LNX2: variants seen among roughly 807,000 people sequenced by gnomAD.
The protein encoded by LNX2 is ligand of Numb protein X 2.
A neutral mutation model predicts 66.2 loss-of-function variants in LNX2; 35 were observed. The ratio of observed to expected loss-of-function variants is 0.53; its 90% confidence interval spans 0.40 to 0.70. The LOEUF (loss-of-function observed/expected upper bound fraction) is 0.70. Ranked by LOEUF, LNX2 falls within the 30% of genes least tolerant of loss-of-function variation. The pLI is 0.00. For synonymous variants in LNX2, 337 were observed against 315.6 expected (o/e 1.07, Z -0.72); for missense variants, 791 against 850.8 (o/e 0.93, Z 0.87).
chr13:27,571,044 A>G (rs185954481), intron 2 of LNX2, among the ~76,000 whole-genome samples: 1 of 152,358 alleles, frequency 6.6e-6, no homozygotes, highest in African/African-American at 2.4e-5. Flanking sequence ...AACAGGAACT[A>G]AAGAAAAATA....
chr13:27,567,829 C>T lies in LNX2; in HGVS notation c.666G>A (p.Gln222=). 1 of 1,613,844 alleles carries T rather than the reference C, an allele frequency of 6.2e-7. No individual in the cohort carries two copies. Among genetic ancestry groups the T allele is most frequent in the Non-Finnish European group, 8.5e-7 (1 of 1,179,860 alleles). ...TTTCTCCTTCTGGTAAACTAAGTGG[C>T]TGTTGTGTGGCTGCCAAGTTAAAAA... ...EESAGADTTQ[Q]PLSLPEGEIT... is the part of the protein sequence containing the mutation. Residue 222 remains glutamine, a synonymous_variant, in exon 4 of 10, where the codon CAG becomes CAA. Coordinates refer to ENST00000316334, the MANE Select transcript of LNX2 (RefSeq NM_153371.4).
intron 5 of LNX2, among the ~76,000 whole-genome samples, chr13:27,562,097 A>G (rs1006758456): frequency 5.9e-5 from 9 of 152,178 alleles, no homozygotes; most frequent in African/African-American, 2.2e-4. Flanking sequence ...CCTCACTTCT[A>G]AAAGGTGGAC....
intron 1 of LNX2, among the ~76,000 whole-genome samples, chr13:27,595,811 C>T (rs570703307): frequency 6.6e-6 from 1 of 152,268 alleles, no homozygotes; most frequent in East Asian, 1.9e-4. Flanking sequence ...TTTTCAGTTT[C>T]TCTGCCACCT....
intron 1 of LNX2, 29 bp from the exon 2 acceptor site, chr13:27,581,832 A>G: frequency 1.6e-6 from 1 of 643,128 alleles, no homozygotes; most frequent in Non-Finnish European, 2.6e-6. Flanking sequence ...CACATTAAAA[A>G]AGGTAATTAA....
intron 5 of LNX2, among the ~76,000 whole-genome samples, chr13:27,560,565 G>GTGTGTATATATATATATATATATATA (rs35007288): frequency 3.3e-5 from 4 of 120,012 alleles, no homozygotes; most frequent in African/African-American, 1.3e-4. Context: ...ATGTATGTGT[G>GTGTGTATATATATATATATATATATA]TATATATATA....
At chr13:27,586,625 C>T (rs534414858) in intron 1 of LNX2, among the ~76,000 whole-genome samples, 1 of 152,314 alleles carries the variant, frequency 6.6e-6, no homozygotes, top group East Asian at 1.9e-4. Context: ...TCTATGTATA[C>T]AGGAGGACAT....
intron 1 of LNX2, among the ~76,000 whole-genome samples, chr13:27,583,171 T>A (rs796791120): frequency 2.6e-3 from 3 of 1,168 alleles, no homozygotes; most frequent in South Asian, 0.028. Flanking sequence ...AGAGCAGCAG[T>A]GTGTGTGTGT....
At position 27,614,856 on chromosome 13, in the gene LNX2, T is replaced by TA. The variant is rs1955810112; in HGVS notation, c.-101+5518dup. Among the ~76,000 whole-genome samples the TA allele has an allele frequency of 4.6e-5, 7 of 152,058 alleles. No homozygotes were observed. In the South Asian group the frequency reaches 1.5e-3, roughly 32 times the overall value. On this transcript the variant is annotated intron_variant, in intron 1 of 9. Coordinates refer to ENST00000316334, the MANE Select transcript of LNX2 (RefSeq NM_153371.4). ...GGCAGGTATAAATATTTCCCAGACT[T>TA]ACCTTACTTTTATCTATAAAACAAA... is the stretch of plus-strand genomic sequence containing the variant.
chr13:27,611,002 C>T lies in LNX2; in HGVS notation c.-101+9373G>A, dbSNP rs761917912. On this transcript the variant is annotated intron_variant, in intron 1 of 9. Coordinates refer to ENST00000316334, the MANE Select transcript of LNX2 (RefSeq NM_153371.4). Reference sequence around the variant, plus strand: ...ATGTAGAGAAACTGGAATCCTTCTGCACTGACAGTGAGATTGTAAAACAAG... The same window carrying T: ...ATGTAGAGAAACTGGAATCCTTCTGTACTGACAGTGAGATTGTAAAACAAG... Among the ~76,000 whole-genome samples, 9 of 152,318 alleles carry T rather than the reference C, an allele frequency of 5.9e-5. No homozygotes were observed. The South Asian group carries it at 1.9e-3, about 32-fold the overall frequency.
At chr13:27,584,704 A>C (rs1437981390) in intron 1 of LNX2, among the ~76,000 whole-genome samples, 1 of 152,140 alleles carries the variant, frequency 6.6e-6, no homozygotes, top group African/African-American at 2.4e-5. Flanking sequence ...TAAAAATTTT[A>C]AAAGAAAAAC....
intron 4 of LNX2, among the ~76,000 whole-genome samples, chr13:27,566,280 A>T (rs1403659703): frequency 1.3e-5 from 2 of 152,236 alleles, no homozygotes; most frequent in Non-Finnish European, 2.9e-5. Context: ...AGATGAGGAC[A>T]GGCTGCAATG....
chr13:27,560,209 C>T (rs1489134807), intron 5 of LNX2, among the ~76,000 whole-genome samples: 1 of 152,084 alleles, frequency 6.6e-6, no homozygotes, highest in Non-Finnish European at 1.5e-5. Flanking sequence ...TTGGGCATGC[C>T]GTCTGCAACC....
upstream of LNX2, chr13:27,620,960 T>TG (rs1733252780): frequency 6.6e-6 from 1 of 152,442 alleles, no homozygotes; most frequent in Admixed American, 6.6e-5. Flanking sequence ...GAAACGTAGT[T>TG]GCGCTGGACA....
intron 1 of LNX2, among the ~76,000 whole-genome samples, chr13:27,590,767 G>T (rs1336647618): frequency 6.6e-6 from 1 of 151,996 alleles, no homozygotes; most frequent in East Asian, 1.9e-4. Flanking sequence ...ATGCAATAAG[G>T]TAAAGGAAAT....
At chr13:27,587,577 C>A (rs917730758) in intron 1 of LNX2, among the ~76,000 whole-genome samples, 3 of 152,248 alleles carry the variant, frequency 2.0e-5, no homozygotes, top group East Asian at 1.9e-4. Flanking sequence ...ATGAACCCAG[C>A]CCGTTAATTT....
In LNX2 at chr13:27,545,970, T is replaced by A. The variant is rs979125180; in HGVS notation, c.*2365A>T. 8.1e-4 allele frequency: 123 copies of A among 152,246 alleles called. No individual in the cohort carries two copies. The highest frequency in any genetic ancestry group is 2.8e-3 in the African/African-American group (117 of 41,530). 9.4% of individuals were successfully genotyped at this position (152,246 alleles called of 1,614,324 possible). A position where few individuals can be genotyped will look rare whatever the true frequency, so the allele number is the denominator to read the frequency against. On this transcript the variant is annotated 3_prime_UTR_variant, in exon 10 of 10. Coordinates refer to ENST00000316334, the MANE Select transcript of LNX2 (RefSeq NM_153371.4). ...AATGATTCACACCATTATTTAAACA[T>A]CTGAAAAATCCTGAAATAATTTAAA...
At chr13:27,614,307 C>T (rs1156261618) in intron 1 of LNX2, among the ~76,000 whole-genome samples, 1 of 152,192 alleles carries the variant, frequency 6.6e-6, no homozygotes, top group Non-Finnish European at 1.5e-5. Flanking sequence ...CAGATAACAT[C>T]ACTACTGGAG....
chr13:27,556,344 C>A lies in LNX2; in HGVS notation c.1438G>T (p.Gly480Cys). 1 of 1,613,882 alleles carries A rather than the reference C, an allele frequency of 6.2e-7. No individual in the cohort carries two copies. Among genetic ancestry groups the A allele is most frequent in the Non-Finnish European group, 8.5e-7 (1 of 1,179,926 alleles). Reference sequence around the variant, plus strand: ...CCCCTGCCCCCAGCAACGGTCATGCCAAGGGATTCATGTGGTTCCTTCTTT... The same window carrying A: ...CCCCTGCCCCCAGCAACGGTCATGCAAAGGGATTCATGTGGTTCCTTCTTT... ...TVKKEPHESL[G>C]MTVAGGRGSK... The change falls in exon 7 of 10, where the codon GGC becomes TGC. Residue 480 changes from glycine to cysteine, a missense_variant. By Grantham distance (159) the Gly-to-Cys change is radical. Coordinates refer to ENST00000316334, the MANE Select transcript of LNX2 (RefSeq NM_153371.4).
At chr13:27,583,543 A>G (rs1422581493) in intron 1 of LNX2, among the ~76,000 whole-genome samples, 2 of 152,028 alleles carry the variant, frequency 1.3e-5, no homozygotes, top group Admixed American at 6.5e-5. Context: ...GGTGTAAGCC[A>G]CCATGCCCGG....
Sources: allele counts gnomAD v4.1 joint callset (sites outside exome capture counted in the v4.1 genomes callset), GRCh38; gene constraint gnomAD v4.1.1; transcripts MANE v1.5; gene names NCBI Gene and HGNC (gene_info 2026-07-23, HGNC 2026-07-21).